CHURC1: variants seen among roughly 807,000 people sequenced by gnomAD.
The protein encoded by CHURC1 is churchill domain containing 1.
In CHURC1, 12 loss-of-function variants were observed where a neutral mutation model predicts 15.4. The ratio of observed to expected loss-of-function variants is 0.78; its 90% CI spans 0.50 to 1.27. The LOEUF (loss-of-function observed/expected upper bound fraction) is 1.27, where lower values mean the gene tolerates loss of function less well. CHURC1 is among the 50% of genes most tolerant of loss of function. The pLI is 0.00. For missense variants in CHURC1, 132 were observed against 137.8 expected, an observed-to-expected ratio of 0.96 and a Z score of 0.21; for synonymous variants, 42 against 47.5, an observed-to-expected ratio of 0.88 and a Z score of 0.48.
At chr14:64,922,495 A>G (rs1347119762) in intron 1 of CHURC1, among the ~76,000 whole-genome samples, 1 of 149,502 alleles carries the variant, frequency 6.7e-6, no homozygotes, top group Non-Finnish European at 1.5e-5. Context: ...GGAGAATGGC[A>G]TGAACCTGGG....
chr14:64,916,807 T>G (rs1207372100), intron 1 of CHURC1, among the ~76,000 whole-genome samples: 1 of 152,140 alleles, frequency 6.6e-6, no homozygotes, highest in Non-Finnish European at 1.5e-5. Context: ...CTCGATCTCC[T>G]GACCTCGTGA....
At chr14:64,916,184 G>A (rs571356187) in intron 1 of CHURC1, among the ~76,000 whole-genome samples, 1 of 152,290 alleles carries the variant, frequency 6.6e-6, no homozygotes, top group African/African-American at 2.4e-5. Context: ...AACACATAAA[G>A]TATAATTCAA....
At chr14:64,925,603 G>A (rs2139900556) in intron 2 of CHURC1, among the ~76,000 whole-genome samples, 1 of 150,738 alleles carries the variant, frequency 6.6e-6, no homozygotes, top group African/African-American at 2.4e-5. Flanking sequence ...AGGCTGATTT[G>A]GGAGGATAAC....
In CHURC1 at chr14:64,914,501, T is replaced by C. The variant is rs1594884612; in HGVS notation, c.6T>C (p.Cys2=). The C allele has an allele frequency of 6.2e-7, 1 of 1,614,134 alleles. No homozygotes were observed. The highest frequency in any genetic ancestry group is 8.5e-7 in the Non-Finnish European group (1 of 1,180,060). ...TCCCTGTTGACTGCGTCGCGATGTG[T>C]GGCGACTGTGTGGAGAAGGAATATC... M[C]GDCVEKEYPN... is the part of the protein sequence containing the mutation. Residue 2 remains cysteine, a synonymous_variant, in exon 1 of 4, where the codon TGT becomes TGC. Coordinates refer to ENST00000549115, the MANE Select transcript of CHURC1 (RefSeq NM_001386928.1).
rs1398447368 is a variant in CHURC1, at chr14:64,935,140, C to T, written c.*2910C>T. Reference sequence around the variant, plus strand: ...ATAGATAGGAATTGAACAATGAGAACACATGGAGACAGGAAGGGGAACATC... The same window carrying T: ...ATAGATAGGAATTGAACAATGAGAATACATGGAGACAGGAAGGGGAACATC... On this transcript the variant is annotated 3_prime_UTR_variant, in exon 4 of 4. Transcript: ENST00000549115. 3.1e-6 allele frequency: 1 copy of T among 326,728 alleles called. No homozygotes were observed. Among genetic ancestry groups the T allele is most frequent in the African/African-American group, 2.3e-5 (1 of 44,174 alleles). 20.2% of individuals were successfully genotyped at this position (326,728 alleles called of 1,614,324 possible). A position where few individuals can be genotyped will look rare whatever the true frequency, so the allele number is the denominator to read the frequency against.
intron 3 of CHURC1, among the ~76,000 whole-genome samples, chr14:64,927,718 C>CG (rs1555383699): frequency 2.0e-5 from 1 of 50,404 alleles, no homozygotes; most frequent in African/African-American, 1.1e-4. Context: ...CTCCCCCCAC[C>CG]CCCCCCCCCG....
At chr14:64,926,151 C>A in intron 3 of CHURC1, 71 bp downstream of exon 3, 1 of 1,019,626 alleles carries the variant, frequency 9.8e-7, no homozygotes, top group Non-Finnish European at 1.4e-6. Flanking sequence ...TCTTGAGAAT[C>A]TAAATACGGT....
intron 1 of CHURC1, among the ~76,000 whole-genome samples, chr14:64,916,910 A>G (rs1326686692): frequency 6.6e-6 from 1 of 152,174 alleles, no homozygotes; most frequent in Non-Finnish European, 1.5e-5. Context: ...GAGTTATTGT[A>G]AAACTTAAAA....
At chr14:64,927,597 C>T (rs962734480) in intron 3 of CHURC1, among the ~76,000 whole-genome samples, 3 of 151,932 alleles carry the variant, frequency 2.0e-5, no homozygotes, top group Middle Eastern at 3.2e-3. Flanking sequence ...CTGGAAATTA[C>T]TCTGGGACAG....
intron 1 of CHURC1, 72 bp from the exon 2 acceptor site, chr14:64,923,919 T>G: frequency 7.2e-7 from 1 of 1,385,586 alleles, no homozygotes; most frequent in Non-Finnish European, 9.5e-7. Context: ...TTAGACATTT[T>G]AAGTCTGTTA....
rs924514576 is a variant in CHURC1 at position 64,933,651 on chromosome 14, G to C, written c.*1421G>C. ...CATGTAAAGTACTAGAAACAATGAGGTGGCTTCAATTAGTGCTCATTCTGA... is the reference window on the plus strand; with the variant it reads ...CATGTAAAGTACTAGAAACAATGAGCTGGCTTCAATTAGTGCTCATTCTGA... On this transcript the variant is annotated 3_prime_UTR_variant, in exon 4 of 4. Transcript: ENST00000549115. 12 of 985,328 alleles carry C rather than the reference G, an allele frequency of 1.2e-5. No individual in the cohort carries two copies. The African/African-American group carries it at 2.1e-4, about 17-fold the overall frequency. The allele number at this position is 985,328 out of a possible 1,614,324, so 61.0% of individuals were successfully genotyped here.
intron 2 of CHURC1, among the ~76,000 whole-genome samples, chr14:64,925,577 CT>C (rs776517221): frequency 1.5e-4 from 23 of 151,490 alleles, no homozygotes; most frequent in Non-Finnish European, 3.4e-4. Flanking sequence ...TCAAGTTATC[CT>C]CCCAGCTACT....
intron 1 of CHURC1, among the ~76,000 whole-genome samples, chr14:64,917,161 G>A (rs1408915342): frequency 6.6e-6 from 1 of 152,148 alleles, no homozygotes; most frequent in Non-Finnish European, 1.5e-5. Flanking sequence ...GGTTGGGCAC[G>A]GTTCTCACAC....
intron 3 of CHURC1, chr14:64,930,920 T>C (rs768685262): frequency 9.0e-6 from 4 of 446,148 alleles, no homozygotes; most frequent in African/African-American, 4.1e-5. Flanking sequence ...ATCTTTCCAC[T>C]GCCACAACTA....
chr14:64,927,719 C>G (rs979378398), intron 3 of CHURC1, among the ~76,000 whole-genome samples: 7 of 55,042 alleles, frequency 1.3e-4, no homozygotes, highest in South Asian at 1.8e-3. Flanking sequence ...TCCCCCCACC[C>G]CCCCCCCCGC....
At chr14:64,922,422 CG>C in intron 1 of CHURC1, among the ~76,000 whole-genome samples, 1 of 151,506 alleles carries the variant, frequency 6.6e-6, no homozygotes, top group Non-Finnish European at 1.5e-5. Context: ...ACTAAAAATA[CG>C]AAAAATTAGC....
chr14:64,921,585 G>A (rs1296118013), intron 1 of CHURC1, among the ~76,000 whole-genome samples: 1 of 152,124 alleles, frequency 6.6e-6, no homozygotes, highest in Admixed American at 6.5e-5. Flanking sequence ...AGTCATCAAG[G>A]AAACAAAAGT....
chr14:64,920,240 C>T (rs956819793), intron 1 of CHURC1, among the ~76,000 whole-genome samples: 1 of 152,048 alleles, frequency 6.6e-6, no homozygotes, highest in Non-Finnish European at 1.5e-5. Context: ...ACTTGTATAC[C>T]TTTACAAATC....
Position 64,917,597 on chromosome 14 carries a change from A to G in CHURC1, c.39+3063A>G, listed in dbSNP as rs867339888. ...TAAACAAACAAAAAAAAACCACCAC[A>G]AATATTAGCCAAGCGTGGTGGCATG... is the stretch of plus-strand genomic sequence containing the variant. On this transcript the variant is annotated intron_variant, in intron 1 of 3. Transcript: ENST00000549115. Among the ~76,000 whole-genome samples the G allele has an allele frequency of 1.3e-4, 20 of 152,194 alleles. No homozygotes were observed. The South Asian group carries it at 3.9e-3, about 30-fold the overall frequency.
Sources: allele counts gnomAD v4.1 joint callset (sites outside exome capture counted in the v4.1 genomes callset), GRCh38; gene constraint gnomAD v4.1.1; transcripts MANE v1.5; gene names NCBI Gene and HGNC (gene_info 2026-07-23, HGNC 2026-07-21).